IL1RAPL1: variants seen among roughly 807,000 people sequenced by gnomAD.
IL1RAPL1 encodes the protein interleukin 1 receptor accessory protein like 1.
A neutral mutation model predicts 48.4 loss-of-function variants in IL1RAPL1; 3 were observed. That is an observed-to-expected ratio of 0.06 (90% CI 0.03 to 0.16). IL1RAPL1 has a LOEUF of 0.16. Ranked by LOEUF, IL1RAPL1 falls within the 10% of genes least tolerant of loss-of-function variation. The pLI, the probability that IL1RAPL1 is intolerant of heterozygous loss-of-function variation, is 1.00. For missense variants in IL1RAPL1, 349 were observed against 530.6 expected (o/e 0.66, Z 3.36); for synonymous variants, 185 against 187.7 (o/e 0.99, Z 0.12).
intron 1 of IL1RAPL1, among the ~76,000 whole-genome samples, chrX:28,715,541 T>TA (rs1250224358): frequency 3.6e-5 from 4 of 110,821 alleles, no homozygotes; most frequent in Non-Finnish European, 5.7e-5. Context: ...CATCAGAAAA[T>TA]ATTACAAATA....
chrX:29,399,630 C>A (rs891522616), intron 5 of IL1RAPL1, among the ~76,000 whole-genome samples: 3 of 110,602 alleles, frequency 2.7e-5, no homozygotes, highest in Non-Finnish European at 5.7e-5. Flanking sequence ...ACCAGCCTGG[C>A]CAACATGGTG....
Position 29,606,994 on chromosome X carries a change from C to G in IL1RAPL1, c.704-61436C>G, listed in dbSNP as rs140591051. On this transcript the variant is annotated intron_variant, in intron 5 of 10. Coordinates refer to ENST00000378993, the MANE Select transcript of IL1RAPL1 (RefSeq NM_014271.4). ...AATATGTTACTATATTGGAAAAAGA[C>G]ATTTACAGTGAAAATTATTTTATTG... 8.2e-3 allele frequency among the ~76,000 whole-genome samples: 916 copies of G among 111,604 alleles called. 13 individuals are homozygous for G. Among genetic ancestry groups the G allele is most frequent in the African/African-American group, 0.028 (871 of 30,727 alleles).
intron 2 of IL1RAPL1, among the ~76,000 whole-genome samples, chrX:28,837,153 A>G (rs1025548288): frequency 1.8e-5 from 2 of 111,629 alleles, no homozygotes; most frequent in African/African-American, 6.5e-5. Context: ...TCACACTAAT[A>G]TAGGCATTAC....
In IL1RAPL1 at chrX:29,162,343, T is replaced by C. The variant is rs186863589; in HGVS notation, c.83-120595T>C. On this transcript the variant is annotated intron_variant, in intron 2 of 10. Coordinates refer to ENST00000378993, the MANE Select transcript of IL1RAPL1 (RefSeq NM_014271.4). Reference sequence around the variant, plus strand: ...ACCTATGTAACAAACCTGCACGTTCTGCACATGTATCCCAGAACTTCAAGT... The same window carrying C: ...ACCTATGTAACAAACCTGCACGTTCCGCACATGTATCCCAGAACTTCAAGT... 2.7e-3 allele frequency among the ~76,000 whole-genome samples: 304 copies of C among 110,871 alleles called. 1 individual carries two copies. Among genetic ancestry groups the C allele is most frequent in the Non-Finnish European group, 4.9e-3 (259 of 53,046 alleles).
At chrX:29,939,047 C>T (rs944324695) in intron 8 of IL1RAPL1, among the ~76,000 whole-genome samples, 12 of 112,273 alleles carry the variant, frequency 1.1e-4, no homozygotes, top group Non-Finnish European at 1.9e-4. Flanking sequence ...TGAGCATTCT[C>T]ATACAACTCT....
intron 2 of IL1RAPL1, among the ~76,000 whole-genome samples, chrX:28,960,044 C>T (rs1410741792): frequency 8.9e-6 from 1 of 111,949 alleles, no homozygotes; most frequent in Non-Finnish European, 1.9e-5. Context: ...GATACAGTTG[C>T]ATATTGGATA....
intron 5 of IL1RAPL1, among the ~76,000 whole-genome samples, chrX:29,606,349 A>G (rs1923892450): frequency 1.1e-5 from 1 of 94,255 alleles, no homozygotes; most frequent in South Asian, 6.0e-4. Flanking sequence ...CGGTCCTCCT[A>G]ATAGGCAGAC....
In IL1RAPL1 at chrX:29,310,183, A is replaced by G. The variant is rs377630787; in HGVS notation, c.362+26966A>G. 2.1e-4 allele frequency among the ~76,000 whole-genome samples: 22 copies of G among 106,420 alleles called. No homozygotes were observed. The South Asian group carries it at 6.8e-3, about 33-fold the overall frequency. The allele number at this position is 106,420 out of a possible 115,157, so 92.4% of individuals were successfully genotyped here. On this transcript the variant is annotated intron_variant, in intron 3 of 10. Coordinates refer to ENST00000378993, the MANE Select transcript of IL1RAPL1 (RefSeq NM_014271.4). ...GGTAAGTCGGGAGCTTATTAAGGAA[A>G]GAATCCTAGTCTCTGGCATTCTATT...
intron 2 of IL1RAPL1, chrX:28,942,548 A>G (rs1405292103): frequency 9.3e-6 from 1 of 107,492 alleles, no homozygotes; most frequent in Non-Finnish European, 1.9e-5. Flanking sequence ...GAATCCTAAC[A>G]TACGTGGTTG....
chrX:29,020,748 T>C (rs1926344824), intron 2 of IL1RAPL1, among the ~76,000 whole-genome samples: 1 of 111,398 alleles, frequency 9.0e-6, no homozygotes, highest in African/African-American at 3.3e-5. Context: ...ATAGGAGGGC[T>C]CTAGAGGAAA....
intron 1 of IL1RAPL1, among the ~76,000 whole-genome samples, chrX:28,752,352 G>T (rs1936053511): frequency 2.7e-5 from 3 of 111,743 alleles, no homozygotes; most frequent in South Asian, 3.7e-4. Context: ...AAGACGAGCT[G>T]CTCTATAGAT....
At chrX:29,725,267 TA>T (rs1423779581) in intron 6 of IL1RAPL1, among the ~76,000 whole-genome samples, 3 of 111,151 alleles carry the variant, frequency 2.7e-5, no homozygotes, top group Non-Finnish European at 5.7e-5. Context: ...CAATCTCTCA[TA>T]AAAAAGACAG....
chrX:28,924,631 T>A (rs892887150), intron 2 of IL1RAPL1, among the ~76,000 whole-genome samples: 11 of 111,436 alleles, frequency 9.9e-5, no homozygotes, highest in Admixed American at 8.6e-4. Flanking sequence ...TAGAAAAGTT[T>A]CAAAGAATAC....
At chrX:28,926,889 C>T (rs1923756691) in intron 2 of IL1RAPL1, among the ~76,000 whole-genome samples, 1 of 111,048 alleles carries the variant, frequency 9.0e-6, no homozygotes, top group Non-Finnish European at 1.9e-5. Flanking sequence ...TCTACATTCT[C>T]CTCTTCCCAC....
Position 29,773,005 on chromosome X carries a change from G to A in IL1RAPL1, c.778+104501G>A, listed in dbSNP as rs535583887. ...GGAAGAGAGTTGATAATATTACAAG[G>A]AGAAGACAATTTTCCTGCTCAAAAT... On this transcript the variant is annotated intron_variant, in intron 6 of 10. Transcript: ENST00000378993. Among the ~76,000 whole-genome samples, 15 of 111,325 alleles carry A rather than the reference G, an allele frequency of 1.3e-4. No individual in the cohort carries two copies. The South Asian group carries it at 5.3e-3, about 39-fold the overall frequency.
At chrX:29,802,947 G>A (rs183648516) in intron 6 of IL1RAPL1, among the ~76,000 whole-genome samples, 4,905 of 42,052 alleles carry the variant, frequency 0.12, 915 homozygotes, top group African/African-American at 0.16. Flanking sequence ...ACATATGTAT[G>A]CATATATGTA....
chrX:29,422,168 G>A (rs1006413645), intron 5 of IL1RAPL1, among the ~76,000 whole-genome samples: 4 of 111,315 alleles, frequency 3.6e-5, no homozygotes, highest in African/African-American at 1.3e-4. Flanking sequence ...TAATTAAGTT[G>A]TAAATAGTTC....
intron 2 of IL1RAPL1, among the ~76,000 whole-genome samples, chrX:29,045,010 G>A (rs1023317951): frequency 9.0e-6 from 1 of 111,570 alleles, no homozygotes; most frequent in South Asian, 3.8e-4. Flanking sequence ...TTTTTATATA[G>A]GGATTGTTTT....
chrX:28,704,360 A>C (rs1465085226), intron 1 of IL1RAPL1, among the ~76,000 whole-genome samples: 1 of 107,518 alleles, frequency 9.3e-6, no homozygotes, highest in African/African-American at 3.4e-5. Context: ...ACGTTCCCTC[A>C]GAATAGTATT....
Sources: allele counts gnomAD v4.1 joint callset (sites outside exome capture counted in the v4.1 genomes callset), GRCh38; gene constraint gnomAD v4.1.1; transcripts MANE v1.5; gene names NCBI Gene and HGNC (gene_info 2026-07-23, HGNC 2026-07-21).